Variants in THSD7A observed in about 807,000 individuals in gnomAD.
THSD7A encodes thrombospondin type 1 domain containing 7A.
Under a neutral mutation model 231.3 loss-of-function variants are expected in THSD7A, and 96 were observed. The ratio of observed to expected loss-of-function variants is 0.41; its 90% CI spans 0.35 to 0.49. The LOEUF is 0.49. Among genes scored for constraint, THSD7A ranks in the 20% least tolerant of loss-of-function variants. The pLI is 0.05. For missense variants in THSD7A, 2,290 were observed against 2,070.2 expected (o/e 1.11, Z -2.06); for synonymous variants, 940 against 743.3 (o/e 1.26, Z -4.30).
chr7:11,414,375 T>C (rs1178012558), intron 17 of THSD7A, among the ~76,000 whole-genome samples: 1 of 152,254 alleles, frequency 6.6e-6, no homozygotes, highest in Non-Finnish European at 1.5e-5. Context: ...CAATTGCACA[T>C]GCATACTCTT....
intron 6 of THSD7A, among the ~76,000 whole-genome samples, chr7:11,503,978 T>A (rs1205904404): frequency 1.3e-5 from 2 of 152,150 alleles, no homozygotes; most frequent in Non-Finnish European, 2.9e-5. Context: ...CTGAGGGATA[T>A]AAAGCATTCT....
chr7:11,689,071 C>A (rs1450936495), intron 1 of THSD7A, among the ~76,000 whole-genome samples: 1 of 151,778 alleles, frequency 6.6e-6, no homozygotes, highest in African/African-American at 2.4e-5. Context: ...ATAAGAATTT[C>A]TGTACAATAT....
chr7:11,718,219 C>T (rs1781211706), intron 1 of THSD7A, among the ~76,000 whole-genome samples: 1 of 151,560 alleles, frequency 6.6e-6, no homozygotes, highest in African/African-American at 2.4e-5. Flanking sequence ...CTTGTTTCTG[C>T]AGCACAATTT....
intron 17 of THSD7A, chr7:11,414,125 G>C (rs1317345658): frequency 6.6e-6 from 1 of 152,232 alleles, no homozygotes; most frequent in Non-Finnish European, 1.5e-5. Context: ...AACCCCATGG[G>C]TGGTTACAGC....
chr7:11,633,293 C>G (rs1372053194), intron 2 of THSD7A, among the ~76,000 whole-genome samples: 1 of 152,160 alleles, frequency 6.6e-6, no homozygotes, highest in African/African-American at 2.4e-5. Context: ...TACAGGGAAG[C>G]TTCCTGTGTC....
At chr7:11,755,568 C>T (rs1156480272) in intron 1 of THSD7A, among the ~76,000 whole-genome samples, 1 of 151,966 alleles carries the variant, frequency 6.6e-6, no homozygotes, top group African/African-American at 2.4e-5. Context: ...AAGGAAAGAT[C>T]GGGTAGAAAG....
At chr7:11,441,321 T>C (rs1157476211) in intron 13 of THSD7A, among the ~76,000 whole-genome samples, 1 of 152,024 alleles carries the variant, frequency 6.6e-6, no homozygotes, top group Non-Finnish European at 1.5e-5. Flanking sequence ...ATAAAGGGAT[T>C]TGGGAGCACT....
chr7:11,381,830 C>T (rs2115300880), intron 24 of THSD7A, among the ~76,000 whole-genome samples: 1 of 152,260 alleles, frequency 6.6e-6, no homozygotes, highest in African/African-American at 2.4e-5. Flanking sequence ...TTCAAGGGGT[C>T]CTTAGGATCC....
Position 11,593,377 on chromosome 7 carries a change from G to T in THSD7A, c.1148C>A (p.Ala383Glu). Residue 383 changes from alanine (A) to glutamate (E), a missense_variant, in exon 3 of 28, where the codon GCA becomes GAA. By Grantham distance (107) the Ala-to-Glu change is moderately radical (BLOSUM62 -1). Transcript: ENST00000423059. ...GGTTCGTGTCCTTACACGAGTGCCTGCAGGGGACACCATGTCATGGCATGT... is the reference window on the plus strand; with the variant it reads ...GGTTCGTGTCCTTACACGAGTGCCTTCAGGGGACACCATGTCATGGCATGT... ...SKTCHDMVSP[A>E]GTRVRTRTIR... is the part of the protein sequence containing the mutation. 8 of 1,614,034 alleles carry T rather than the reference G, an allele frequency of 5.0e-6. No individual in the cohort carries two copies. Among genetic ancestry groups the T allele is most frequent in the South Asian group, 2.2e-5 (2 of 91,092 alleles).
Position 11,513,854 on chromosome 7 carries a change from G to T in THSD7A, c.1822+27565C>A, listed in dbSNP as rs766132304. On this transcript the variant is annotated intron_variant, in intron 6 of 27. Transcript: ENST00000423059. ...TGATTATAGTTTATAAGGCTATTAG[G>T]ATATGACAACCTGATACATTTTTAC... is the stretch of plus-strand genomic sequence containing the variant. Among the ~76,000 whole-genome samples, 39 of 151,634 alleles carry T rather than the reference G, an allele frequency of 2.6e-4. 1 individual carries two copies. Among genetic ancestry groups the T allele is most frequent in the Non-Finnish European group, 4.9e-4 (33 of 67,868 alleles).
intron 1 of THSD7A, among the ~76,000 whole-genome samples, chr7:11,789,833 CATA>C (rs1783895972): frequency 6.6e-6 from 1 of 151,906 alleles, no homozygotes; most frequent in South Asian, 2.1e-4. Context: ...GCACTGGATG[CATA>C]ATAACTCCTT....
chr7:11,468,686 T>C (rs1785808939), intron 9 of THSD7A, among the ~76,000 whole-genome samples: 2 of 151,954 alleles, frequency 1.3e-5, no homozygotes, highest in African/African-American at 4.8e-5. Flanking sequence ...ATACAAAAAT[T>C]AGCCAGGTGT....
intron 1 of THSD7A, among the ~76,000 whole-genome samples, chr7:11,687,887 T>A (rs1435166952): frequency 1.3e-5 from 2 of 151,756 alleles, no homozygotes; most frequent in Admixed American, 1.3e-4. Context: ...AATTTAATTT[T>A]ATTTTTTTAA....
At chr7:11,516,477 C>T (rs574408009) in intron 6 of THSD7A, among the ~76,000 whole-genome samples, 4 of 152,250 alleles carry the variant, frequency 2.6e-5, no homozygotes, top group African/African-American at 9.6e-5. Flanking sequence ...ATTATAGTGC[C>T]TCATCCCCAT....
At position 11,590,326 on chromosome 7, in the gene THSD7A, T is replaced by G. The variant is rs969141448; in HGVS notation, c.1453+134A>C. The G allele has an allele frequency of 2.5e-6, 2 of 800,602 alleles. No homozygotes were observed. The highest frequency in any genetic ancestry group is 3.5e-5 in the African/African-American group (2 of 56,828). The allele number at this position is 800,602 out of a possible 1,614,324, so 49.6% of individuals were successfully genotyped here. On this transcript the variant is annotated intron_variant, in intron 4 of 27. Coordinates refer to ENST00000423059, the MANE Select transcript of THSD7A (RefSeq NM_015204.3). This position sits in a 1 kb window ranked among gnomAD's most constrained non-coding sequence, Gnocchi z 4.4. ...CCATAATGTGGATTACTGTTTACCATAGTGAATACCAACCACAATGTGAAC... is the reference window on the plus strand; with the variant it reads ...CCATAATGTGGATTACTGTTTACCAGAGTGAATACCAACCACAATGTGAAC...
intron 6 of THSD7A, among the ~76,000 whole-genome samples, chr7:11,508,487 T>C (rs1787653189): frequency 6.6e-6 from 1 of 152,176 alleles, no homozygotes; most frequent in African/African-American, 2.4e-5. Context: ...TCCTTGTACA[T>C]TATTGATGAG....
intron 2 of THSD7A, among the ~76,000 whole-genome samples, chr7:11,595,405 G>C (rs1404770285): frequency 1.3e-5 from 2 of 152,082 alleles, no homozygotes; most frequent in African/African-American, 2.4e-5. Context: ...TTATTGATTT[G>C]GGCCCACTAA....
chr7:11,756,647 A>T (rs1480298648), intron 1 of THSD7A, among the ~76,000 whole-genome samples: 2 of 151,990 alleles, frequency 1.3e-5, no homozygotes, highest in African/African-American at 2.4e-5. Context: ...AAGGAGAGAG[A>T]TGTGATTAGA....
intron 1 of THSD7A, among the ~76,000 whole-genome samples, chr7:11,802,203 T>G (rs1784295835): frequency 6.6e-6 from 1 of 152,204 alleles, no homozygotes. Context: ...TCAAGGTTCC[T>G]AGGGTTTAAA....
Sources: gnomAD v4.1 joint callset for allele counts (sites outside exome capture counted in the v4.1 genomes callset) on GRCh38, gnomAD v4.1.1 for gene constraint, Gnocchi (gnomAD v3.1) non-coding constraint, MANE v1.5 for transcripts, NCBI Gene and HGNC (gene_info 2026-07-23, HGNC 2026-07-21) for gene names.